Variants in HEATR1 observed in about 807,000 individuals in gnomAD.
HEATR1 encodes HEAT repeat containing 1.
In HEATR1, 77 loss-of-function variants were observed where a neutral mutation model predicts 248.2. The observed-to-expected ratio is 0.31, with a 90% confidence interval of 0.26 to 0.37. The LOEUF is 0.37. Among genes scored for constraint, HEATR1 ranks in the 10% least tolerant of loss-of-function variants. The probability of loss-of-function intolerance (pLI) is 1.00; values close to 1 mark genes in which losing one functional copy is unlikely to be tolerated. For synonymous variants in HEATR1, 897 were observed against 923.1 expected, an observed-to-expected ratio of 0.97 and a Z score of 0.51; for missense variants, 2,420 against 2,504.9, an observed-to-expected ratio of 0.97 and a Z score of 0.72.
Position 236,604,432 on chromosome 1 carries a change from G to C in HEATR1, c.-43C>G. ...CTCTGTGCCGCTTACCTGGAACTGGGAATTTGGGTATATCTTGGAAGGCAA... is the reference window on the plus strand; with the variant it reads ...CTCTGTGCCGCTTACCTGGAACTGGCAATTTGGGTATATCTTGGAAGGCAA... On this transcript the variant is annotated 5_prime_UTR_variant, in exon 1 of 45. Transcript: ENST00000366582. 1 of 215,354 alleles carries C rather than the reference G, an allele frequency of 4.6e-6. No homozygotes were observed. Among genetic ancestry groups the C allele is most frequent in the East Asian group, 1.0e-4 (1 of 9,568 alleles). The allele number at this position is 215,354 out of a possible 1,614,324, so 13.3% of individuals were successfully genotyped here. A position where few individuals can be genotyped will look rare whatever the true frequency, so the allele number is the denominator to read the frequency against.
At chr1:236,577,259 C>T (rs1663588019) in intron 20 of HEATR1, among the ~76,000 whole-genome samples, 1 of 152,130 alleles carries the variant, frequency 6.6e-6, no homozygotes, top group Admixed American at 6.5e-5. Flanking sequence ...TCAAGCAATT[C>T]TCCTGCCTCA....
Position 236,555,816 on chromosome 1 carries a change from G to A in HEATR1, c.5638C>T (p.Gln1880Ter). The change falls in exon 39 of 45, where the codon CAG becomes TAG. Residue 1880 changes from glutamine (Q) to a stop codon, truncating the protein, a stop_gained. Transcript: ENST00000366582. LOFTEE classifies it high-confidence loss of function. The part of the protein sequence containing the change: ...FFLEALDFRA[Q>*]HSENDLEEVG... ...GAACCTGAGCTTACCTCAGAGTGCT[G>A]GGCTCGGAAGTCCAGGGCTTCCAGG... 1 of 1,614,156 alleles carries A rather than the reference G, an allele frequency of 6.2e-7. No homozygotes were observed. Among genetic ancestry groups the A allele is most frequent in the Non-Finnish European group, 8.5e-7 (1 of 1,180,016 alleles).
intron 22 of HEATR1, 33 bp from the exon 23 acceptor site, chr1:236,574,936 A>T (rs1315045214): frequency 5.0e-6 from 8 of 1,595,338 alleles, no homozygotes; most frequent in Non-Finnish European, 6.8e-6. Context: ...GTAAATAGTT[A>T]TGTATACTGA....
At chr1:236,579,086 T>C (rs1411470739) in intron 20 of HEATR1, among the ~76,000 whole-genome samples, 2 of 152,212 alleles carry the variant, frequency 1.3e-5, no homozygotes, top group African/African-American at 4.8e-5. Flanking sequence ...GCCTAAGAAG[T>C]TCATACAGGT....
intron 3 of HEATR1, among the ~76,000 whole-genome samples, chr1:236,600,118 ATTTT>A (rs67344658): frequency 0.03 from 1,507 of 50,066 alleles, 10 homozygotes; most frequent in Middle Eastern, 0.043. Context: ...GTCTGTCAAC[ATTTT>A]TTTTTTTTTT....
At position 236,574,711 on chromosome 1, in the gene HEATR1, T is replaced by C. The variant is rs1331916027; in HGVS notation, c.3277A>G (p.Lys1093Glu). 1.5e-5 allele frequency: 25 copies of C among 1,613,874 alleles called. No homozygotes were observed. The highest frequency in any genetic ancestry group is 3.3e-5 in the Admixed American group (2 of 60,004). The change falls in exon 23 of 45, where the codon AAG (lysine) becomes GAG (glutamate). Residue 1093 changes from lysine to glutamate, a missense_variant. Coordinates refer to ENST00000366582, the MANE Select transcript of HEATR1 (RefSeq NM_018072.6). ...DIFIKAVHTTKELYAGMPTIQ... is the reference protein window; with the variant it reads ...DIFIKAVHTTEELYAGMPTIQ... ...GTTGGCATTCCCGCGTAAAGTTCCT[T>C]TGTTGTGTGCACAGCTTTTATAAAT...
intron 17 of HEATR1, among the ~76,000 whole-genome samples, chr1:236,584,369 C>T (rs1663829712): frequency 6.6e-6 from 1 of 152,076 alleles, no homozygotes; most frequent in Non-Finnish European, 1.5e-5. Context: ...TTTTAGCTAA[C>T]AATGGCCATG....
intron 15 of HEATR1, 23 bp downstream of exon 15, chr1:236,586,217 TA>T: frequency 1.3e-6 from 2 of 1,560,474 alleles, no homozygotes; most frequent in Non-Finnish European, 1.7e-6. Flanking sequence ...TCACTTTTTC[TA>T]AAAAAACAAC....
chr1:236,600,308 T>G (rs1474370971), intron 3 of HEATR1, among the ~76,000 whole-genome samples: 1 of 149,890 alleles, frequency 6.7e-6, no homozygotes, highest in Non-Finnish European at 1.5e-5. Flanking sequence ...TTTTTTTTAC[T>G]TTAGTAGAGA....
intron 12 of HEATR1, among the ~76,000 whole-genome samples, chr1:236,589,080 A>C (rs1663964419): frequency 6.6e-6 from 1 of 152,228 alleles, no homozygotes; most frequent in Admixed American, 6.5e-5. Context: ...TGCAATTACA[A>C]TCCTCAAGCC....
intron 10 of HEATR1, 121 bp downstream of exon 10, chr1:236,592,402 A>G: frequency 3.2e-6 from 2 of 617,600 alleles, no homozygotes; most frequent in Non-Finnish European, 5.8e-6. Context: ...CCCTTCTTGA[A>G]GAACAAATTT....
At chr1:236,580,823 G>A (rs1359718547) in intron 20 of HEATR1, among the ~76,000 whole-genome samples, 3 of 46,184 alleles carry the variant, frequency 6.5e-5, no homozygotes, top group East Asian at 4.3e-4. Flanking sequence ...GGCCTTTATC[G>A]ATTTTTTTTT....
chr1:236,555,558 A>C lies in HEATR1; in HGVS notation c.5747T>G (p.Phe1916Cys). The C allele has an allele frequency of 6.2e-7, 1 of 1,614,206 alleles. No homozygotes were observed. ...AGAGGAAGAAAGCGTCACCTTGAAG[A>C]ACAGGGGCCTGAATGTGACCTCGGA... ...KLSEVTFRPL[F>C]FKLFDWAKTE... Residue 1916 changes from phenylalanine (F) to cysteine (C), a missense_variant, in exon 40 of 45, where the codon TTC becomes TGC. By Grantham distance (205) the Phe-to-Cys change is radical (BLOSUM62 -2). Coordinates refer to ENST00000366582, the MANE Select transcript of HEATR1 (RefSeq NM_018072.6).
At chr1:236,584,090 T>C (rs1663823537) in intron 17 of HEATR1, among the ~76,000 whole-genome samples, 1 of 152,090 alleles carries the variant, frequency 6.6e-6, no homozygotes, top group African/African-American at 2.4e-5. Flanking sequence ...ACGTCTCCAG[T>C]GAGGGATTTG....
intron 12 of HEATR1, among the ~76,000 whole-genome samples, chr1:236,590,474 T>C (rs1664003057): frequency 6.6e-6 from 1 of 152,166 alleles, no homozygotes; most frequent in African/African-American, 2.4e-5. Flanking sequence ...TGGGCTCAAG[T>C]GATCCTTCTC....
chr1:236,570,717 C>T (rs911406624), intron 28 of HEATR1, among the ~76,000 whole-genome samples: 3 of 151,758 alleles, frequency 2.0e-5, no homozygotes, highest in African/African-American at 7.3e-5. Flanking sequence ...GATTATCAAC[C>T]CCTTTGAGAA....
chr1:236,562,930 ATATT>A (rs769459333), intron 32 of HEATR1, among the ~76,000 whole-genome samples: 2,051 of 50,864 alleles, frequency 0.04, 25 homozygotes, highest in Non-Finnish European at 0.13. Flanking sequence ...AGGAATAACA[ATATT>A]ATATAACAGT....
chr1:236,577,739 C>T (rs1000898344), intron 20 of HEATR1, among the ~76,000 whole-genome samples: 4 of 151,356 alleles, frequency 2.6e-5, no homozygotes, highest in East Asian at 2.0e-4. Flanking sequence ...CCGCCCACCT[C>T]GGCCTCCCAA....
At chr1:236,580,387 T>C (rs1171286791) in intron 20 of HEATR1, among the ~76,000 whole-genome samples, 3 of 152,234 alleles carry the variant, frequency 2.0e-5, no homozygotes, top group African/African-American at 7.2e-5. Flanking sequence ...AATGAATAGC[T>C]GATTATTAAG....
Sources: allele counts gnomAD v4.1 joint callset (sites outside exome capture counted in the v4.1 genomes callset), GRCh38; gene constraint gnomAD v4.1.1; transcripts MANE v1.5; gene names NCBI Gene and HGNC (gene_info 2026-07-23, HGNC 2026-07-21).